TRPV3: variants seen among roughly 807,000 people sequenced by gnomAD.
The protein encoded by TRPV3 is transient receptor potential cation channel subfamily V member 3.
A neutral mutation model predicts 87.1 loss-of-function variants in TRPV3; 88 were observed. The observed-to-expected ratio is 1.01, with a 90% CI of 0.85 to 1.21. The LOEUF (loss-of-function observed/expected upper bound fraction) is 1.21. Among genes scored for constraint, TRPV3 ranks in the 50% most tolerant of loss-of-function variants. The pLI, the probability that TRPV3 is intolerant of heterozygous loss-of-function variation, is 0.00. For synonymous variants in TRPV3, 438 were observed against 423.3 expected, an observed-to-expected ratio of 1.03 and a Z score of -0.43; for missense variants, 1,054 against 1,030.1, an observed-to-expected ratio of 1.02 and a Z score of -0.32.
At position 3,515,737 on chromosome 17, in the gene TRPV3, G is replaced by A. The variant is rs374913462; in HGVS notation, c.2198+720C>T. ...GCCAGAGATCTGTCAAAGTAGCCAC[G>A]TCACTTTCCATCTGCCAGGGGCAAA... is the stretch of plus-strand genomic sequence containing the variant. On this transcript the variant is annotated intron_variant, in intron 16 of 17. Transcript: ENST00000576742. Among the ~76,000 whole-genome samples the A allele has an allele frequency of 2.4e-4, 37 of 152,024 alleles. No homozygotes were observed. The East Asian group carries it at 3.5e-3, about 14-fold the overall frequency.
rs80299222 is a variant in TRPV3 at position 3,527,897 on chromosome 17, A to G, written c.1503+128T>C. 5,743 of 718,322 alleles carry G rather than the reference A, an allele frequency of 8.0e-3. 148 individuals are homozygous for G. The highest frequency in any genetic ancestry group is 0.068 in the East Asian group (2,559 of 37,788). The allele number at this position is 718,322 out of a possible 1,614,324, so 44.5% of individuals were successfully genotyped here. A position where few individuals can be genotyped will look rare whatever the true frequency, so the allele number is the denominator to read the frequency against. ...CATTTTTTCCCATGTTATAACTCAG[A>G]AAGGTAAGGCTTGGGAAGGAAACGC... is the stretch of plus-strand genomic sequence containing the variant. On this transcript the variant is annotated intron_variant, in intron 11 of 17. Coordinates refer to ENST00000576742, the MANE Select transcript of TRPV3 (RefSeq NM_145068.4).
intron 13 of TRPV3, 71 bp from the exon 14 acceptor site, chr17:3,521,110 T>TGGGCC: frequency 3.0e-6 from 2 of 667,462 alleles, no homozygotes; most frequent in Non-Finnish European, 5.3e-6. Flanking sequence ...TCTTCCTGCT[T>TGGGCC]CCCACCCTCT....
intron 9 of TRPV3, among the ~76,000 whole-genome samples, 163 bp downstream of exon 9, chr17:3,529,864 G>A (rs980595861): frequency 7.1e-6 from 1 of 141,400 alleles, no homozygotes; most frequent in Non-Finnish European, 1.5e-5. Flanking sequence ...CCCAGGCCTC[G>A]CCTTTTCTGT....
chr17:3,535,662 G>C lies in TRPV3; in HGVS notation c.695C>G (p.Ala232Gly). The change falls in exon 7 of 18, where the codon GCC (alanine) becomes GGC (glycine). Residue 232 changes from alanine to glycine, a missense_variant. Coordinates refer to ENST00000576742, the MANE Select transcript of TRPV3 (RefSeq NM_145068.4). The stretch of plus-strand genomic sequence containing the variant: ...GTCGGCGCCGGCGGCGATGAGCAGG[G>C]CTGCGATGTCCCCCTGCCGCCGCTC... ...AIERRQGDIA[A>G]LLIAAGADVN... The C allele has an allele frequency of 6.2e-7, 1 of 1,602,386 alleles. No homozygotes were observed. Among genetic ancestry groups the C allele is most frequent in the South Asian group, 1.1e-5 (1 of 89,804 alleles).
intron 11 of TRPV3, chr17:3,527,628 C>A: frequency 3.9e-6 from 1 of 253,806 alleles, no homozygotes; most frequent in Non-Finnish European, 7.7e-6. Flanking sequence ...GACGGATGGA[C>A]AGATGGAGAG....
At chr17:3,554,470 C>T in intron 2 of TRPV3, 1 of 369,502 alleles carries the variant, frequency 2.7e-6, no homozygotes, top group Admixed American at 4.7e-5. Context: ...CTCCTGACTG[C>T]TCCTGCCTCA....
intron 4 of TRPV3, 85 bp from the exon 5 acceptor site, chr17:3,543,713 G>A (rs989591220): frequency 6.4e-7 from 1 of 1,558,364 alleles, no homozygotes; most frequent in Non-Finnish European, 8.7e-7. Flanking sequence ...TGCCTACGGG[G>A]CGCTGCAGCT....
chr17:3,554,573 G>T (rs533820846), intron 2 of TRPV3, 159 bp downstream of exon 2: 4 of 605,528 alleles, frequency 6.6e-6, no homozygotes, highest in Non-Finnish European at 1.2e-5. Flanking sequence ...GCTCCCCACC[G>T]CACCATCCCC....
chr17:3,516,864 G>A (rs909181437), intron 15 of TRPV3, among the ~76,000 whole-genome samples: 3 of 151,722 alleles, frequency 2.0e-5, no homozygotes, highest in Admixed American at 1.3e-4. Flanking sequence ...CAAAAATTAG[G>A]GCTGAGCGCA....
At chr17:3,555,785 C>G (rs935502645) in intron 1 of TRPV3, among the ~76,000 whole-genome samples, 17 of 152,114 alleles carry the variant, frequency 1.1e-4, no homozygotes, top group African/African-American at 3.6e-4. Flanking sequence ...GTGGGGGGAG[C>G]TGCTGTGGCC....
rs1490412090 is a variant in TRPV3 at position 3,516,563 on chromosome 17, TG to T, written c.2091del (p.Arg698GlyfsTer14). The stretch of plus-strand genomic sequence containing the variant: ...ATTTTCTCAAACTCCAAGATGGTCC[TG>T]GCTCTCTGGGGACATAAGCAAGTCT... ...ESERIWRLQR[A>X]RTILEFEKML... On this transcript the variant is annotated frameshift_variant, in exon 16 of 18. Coordinates refer to ENST00000576742, the MANE Select transcript of TRPV3 (RefSeq NM_145068.4). LOFTEE classifies it high-confidence loss of function. The T allele has an allele frequency of 1.9e-6, 3 of 1,613,714 alleles. No individual in the cohort carries two copies. The highest frequency in any genetic ancestry group is 2.5e-6 in the Non-Finnish European group (3 of 1,179,592).
rs386364863 is a variant in TRPV3 at position 3,556,186 on chromosome 17, G to GAA, written c.-2-1336_-2-1335dup. Among the ~76,000 whole-genome samples, 38,691 of 139,320 alleles carry GAA rather than the reference G, an allele frequency of 0.28. 6,217 individuals are homozygous for GAA. The highest frequency in any genetic ancestry group is 0.4 in the South Asian group (1,774 of 4,416). The allele number at this position is 139,320 out of a possible 152,430, so 91.4% of individuals were successfully genotyped here. ...AGCGAGACTCCGTCTCAAAAAAAAT[G>GAA]AAAAAAAAAAAAAATAAAGTTTTTA... On this transcript the variant is annotated intron_variant, in intron 1 of 17. Coordinates refer to ENST00000576742, the MANE Select transcript of TRPV3 (RefSeq NM_145068.4). The surrounding 1 kb of genome is among the most constrained non-coding windows in gnomAD (Gnocchi z 4.2).
At position 3,544,619 on chromosome 17, in the gene TRPV3, C is replaced by G. The variant is rs768586425; in HGVS notation, c.271G>C (p.Asp91His). The change falls in exon 4 of 18, where the codon GAT becomes CAT. Residue 91 changes from aspartate to histidine, a missense_variant. Physicochemically the swap from Asp to His is moderately conservative, Grantham distance 81. Transcript: ENST00000576742. ...DDMDSPQSPQDDVTETPSNPN... is the reference protein window; with the variant it reads ...DDMDSPQSPQHDVTETPSNPN... ...TTGGATGGGGTCTCTGTCACATCAT[C>G]CTGAGGAGACTGGGGGGAGTCCATG... The G allele has an allele frequency of 6.2e-7, 1 of 1,609,668 alleles. No homozygotes were observed. Among genetic ancestry groups the G allele is most frequent in the South Asian group, 1.1e-5 (1 of 90,582 alleles).
rs1317381368 is a variant in TRPV3, at chr17:3,511,535, C to T, written c.*2382G>A. 6.6e-6 allele frequency: 1 copy of T among 152,246 alleles called. No homozygotes were observed. The highest frequency in any genetic ancestry group is 2.4e-5 in the African/African-American group (1 of 41,460). 9.4% of individuals were successfully genotyped at this position (152,246 alleles called of 1,614,324 possible). On this transcript the variant is annotated 3_prime_UTR_variant, in exon 18 of 18. Transcript: ENST00000576742. ...CACTCTGATGCTTCTTGACTTATGG[C>T]TTCCCTTGGTAAACCTACCTAGGCT...
intron 8 of TRPV3, 111 bp downstream of exon 8, chr17:3,532,546 A>T (rs1450081058): frequency 5.8e-6 from 8 of 1,371,346 alleles, no homozygotes; most frequent in Non-Finnish European, 7.9e-6. Context: ...GACCTTCTCA[A>T]GGCTGAGGCT....
Position 3,535,664 on chromosome 17 carries a change from T to G in TRPV3, c.693A>C (p.Ala231=), listed in dbSNP as rs1308572778. 1 of 1,601,446 alleles carries G rather than the reference T, an allele frequency of 6.2e-7. No homozygotes were observed. Among genetic ancestry groups the G allele is most frequent in the Non-Finnish European group, 8.5e-7 (1 of 1,175,614 alleles). The change falls in exon 7 of 18, where the codon GCA becomes GCC. Residue 231 remains alanine (A), a synonymous_variant. Coordinates refer to ENST00000576742, the MANE Select transcript of TRPV3 (RefSeq NM_145068.4). ...IAIERRQGDI[A]ALLIAAGADV... ...CGGCGCCGGCGGCGATGAGCAGGGC[T>G]GCGATGTCCCCCTGCCGCCGCTCGA...
chr17:3,536,556 C>T (rs758190530), intron 6 of TRPV3, among the ~76,000 whole-genome samples: 6 of 152,070 alleles, frequency 3.9e-5, no homozygotes, highest in Non-Finnish European at 7.3e-5. Flanking sequence ...CCATTGCACT[C>T]CAGCCTGGGC....
intron 7 of TRPV3, among the ~76,000 whole-genome samples, chr17:3,533,337 GT>G (rs1291801068): frequency 6.6e-6 from 1 of 152,106 alleles, no homozygotes; most frequent in Non-Finnish European, 1.5e-5. Context: ...TCGCTCGGCT[GT>G]CCCCTCTGCC....
chr17:3,547,042 G>C (rs533696077), intron 2 of TRPV3, among the ~76,000 whole-genome samples: 4 of 151,924 alleles, frequency 2.6e-5, no homozygotes, highest in Non-Finnish European at 5.9e-5. Context: ...CTCTACTGCG[G>C]GTGGCCTAAC....
Sources: gnomAD v4.1 joint callset for allele counts (sites outside exome capture counted in the v4.1 genomes callset) on GRCh38, gnomAD v4.1.1 for gene constraint, Gnocchi (gnomAD v3.1) non-coding constraint, MANE v1.5 for transcripts, NCBI Gene and HGNC (gene_info 2026-07-23, HGNC 2026-07-21) for gene names.